The following PRKD1 variants were observed in gnomAD, a reference collection of about 807,000 sequenced individuals.
The protein encoded by PRKD1 is protein kinase D1.
A neutral mutation model predicts 95.9 loss-of-function variants in PRKD1; 63 were observed. The observed-to-expected ratio is 0.66, with a 90% CI of 0.54 to 0.81. The LOEUF is 0.81. Ranked by LOEUF, PRKD1 falls within the 30% of genes least tolerant of loss-of-function variation. The pLI is 0.00. For synonymous variants in PRKD1, 425 were observed against 423.1 expected, an observed-to-expected ratio of 1.00 and a Z score of -0.05; for missense variants, 1,048 against 1,165.3, an observed-to-expected ratio of 0.90 and a Z score of 1.47.
chr14:29,787,046 C>T (rs1391987722), intron 1 of PRKD1, among the ~76,000 whole-genome samples: 3 of 151,738 alleles, frequency 2.0e-5, no homozygotes, highest in East Asian at 1.9e-4. Flanking sequence ...TCATTTGTTC[C>T]GAGACGTTTT....
intron 1 of PRKD1, among the ~76,000 whole-genome samples, chr14:29,762,067 C>T (rs573403097): frequency 6.6e-6 from 1 of 152,240 alleles, no homozygotes; most frequent in East Asian, 1.9e-4. Flanking sequence ...CCACTCACTG[C>T]ACCTGGCTCT....
chr14:29,661,410 C>A (rs553741190), intron 4 of PRKD1, among the ~76,000 whole-genome samples: 12 of 152,182 alleles, frequency 7.9e-5, no homozygotes, highest in Admixed American at 2.0e-4. Flanking sequence ...TATTAGGCAC[C>A]CACTATAACT....
chr14:29,754,751 A>G (rs1383439991), intron 1 of PRKD1, among the ~76,000 whole-genome samples: 3 of 152,006 alleles, frequency 2.0e-5, no homozygotes, highest in Non-Finnish European at 4.4e-5. Context: ...ACATCTTAAT[A>G]CTTAAAGAAC....
chr14:29,619,157 A>G (rs1362006985), intron 13 of PRKD1, among the ~76,000 whole-genome samples: 2 of 152,142 alleles, frequency 1.3e-5, no homozygotes, highest in African/African-American at 4.8e-5. Context: ...AATTGACTTC[A>G]ATCACGGTAC....
intron 1 of PRKD1, among the ~76,000 whole-genome samples, chr14:29,915,941 T>G (rs746209455): frequency 6.6e-6 from 1 of 152,094 alleles, no homozygotes; most frequent in South Asian, 2.1e-4. Context: ...ATCCTTAAAA[T>G]AGAGATAAAA....
intron 1 of PRKD1, among the ~76,000 whole-genome samples, chr14:29,815,646 A>C (rs1890657075): frequency 6.6e-6 from 1 of 152,220 alleles, no homozygotes; most frequent in Non-Finnish European, 1.5e-5. Flanking sequence ...TCCCAGTCTC[A>C]AGGTTTTTCC....
chr14:29,831,719 T>C (rs1226336014), intron 1 of PRKD1, among the ~76,000 whole-genome samples: 1 of 152,182 alleles, frequency 6.6e-6, no homozygotes, highest in African/African-American at 2.4e-5. Context: ...TCTTACTCTC[T>C]TTTGTTCTCC....
At chr14:29,894,930 G>A (rs1309216454) in intron 1 of PRKD1, among the ~76,000 whole-genome samples, 1 of 152,184 alleles carries the variant, frequency 6.6e-6, no homozygotes, top group Non-Finnish European at 1.5e-5. Context: ...CTAGACATAT[G>A]ATGTCAAAAC....
intron 4 of PRKD1, among the ~76,000 whole-genome samples, chr14:29,645,862 C>T (rs1046477748): frequency 2.0e-5 from 3 of 152,116 alleles, no homozygotes; most frequent in African/African-American, 7.2e-5. Context: ...CTTACCCCCA[C>T]TCCTTACTCT....
chr14:29,615,537 GA>G (rs1474451804), intron 13 of PRKD1, among the ~76,000 whole-genome samples: 1 of 152,204 alleles, frequency 6.6e-6, no homozygotes, highest in Non-Finnish European at 1.5e-5. Flanking sequence ...AAAAGCTTAT[GA>G]ATCTTCCCAG....
intron 4 of PRKD1, 52 bp downstream of exon 4, chr14:29,663,647 A>T (rs1594407204): frequency 6.3e-7 from 1 of 1,583,568 alleles, no homozygotes; most frequent in African/African-American, 1.3e-5. Flanking sequence ...CTATCACATC[A>T]CCCCACAGAT....
chr14:29,754,214 T>G (rs557085009), intron 1 of PRKD1, among the ~76,000 whole-genome samples: 1 of 152,306 alleles, frequency 6.6e-6, no homozygotes, highest in Admixed American at 6.5e-5. Flanking sequence ...AGTTTCTTCC[T>G]CTATAAATTA....
intron 2 of PRKD1, among the ~76,000 whole-genome samples, chr14:29,710,092 A>C (rs1030524202): frequency 3.9e-5 from 6 of 152,194 alleles, no homozygotes; most frequent in Non-Finnish European, 5.9e-5. Context: ...TCATGTTATC[A>C]AATGTAGTAA....
intron 1 of PRKD1, among the ~76,000 whole-genome samples, chr14:29,892,172 T>C (rs958227018): frequency 2.0e-5 from 3 of 152,212 alleles, no homozygotes; most frequent in African/African-American, 7.2e-5. Flanking sequence ...CATATTAATT[T>C]CCTTCATTTT....
rs191905095 is a variant in PRKD1, at chr14:29,885,091, C to A, written c.264+42158G>T. ...TGAGCCGAGATCGCACCACTGCACT[C>A]CCCCCTGGGCAACAGAGCGAGACTC... On this transcript the variant is annotated intron_variant, in intron 1 of 17. Transcript: ENST00000331968. Among the ~76,000 whole-genome samples, 22 of 150,622 alleles carry A rather than the reference C, an allele frequency of 1.5e-4. No individual in the cohort carries two copies. In the East Asian group the frequency reaches 3.1e-3, roughly 21 times the overall value.
intron 1 of PRKD1, among the ~76,000 whole-genome samples, chr14:29,778,533 T>C (rs917014486): frequency 1.3e-5 from 2 of 151,862 alleles, no homozygotes; most frequent in Admixed American, 6.6e-5. Flanking sequence ...AACTAGAAAA[T>C]CTAGAAGAAA....
At chr14:29,823,485 T>A (rs1261502251) in intron 1 of PRKD1, among the ~76,000 whole-genome samples, 1 of 152,180 alleles carries the variant, frequency 6.6e-6, no homozygotes. Context: ...CTCACAATTT[T>A]AAAATATCCT....
intron 1 of PRKD1, among the ~76,000 whole-genome samples, chr14:29,886,589 A>G (rs1395143452): frequency 6.6e-6 from 1 of 152,222 alleles, no homozygotes; most frequent in Non-Finnish European, 1.5e-5. Context: ...TATTTTGGAG[A>G]GAGACCTCCT....
At chr14:29,842,697 TA>T (rs959182803) in intron 1 of PRKD1, among the ~76,000 whole-genome samples, 3 of 152,248 alleles carry the variant, frequency 2.0e-5, no homozygotes, top group African/African-American at 7.2e-5. Context: ...TTTAATTAAC[TA>T]ATCCTTTTCT....
Sources: allele counts gnomAD v4.1 joint callset (sites outside exome capture counted in the v4.1 genomes callset), GRCh38; gene constraint gnomAD v4.1.1; transcripts MANE v1.5; gene names NCBI Gene and HGNC (gene_info 2026-07-23, HGNC 2026-07-21).